FASLG: variants seen among roughly 807,000 people sequenced by gnomAD.
FASLG encodes Fas ligand.
FASLG carries 9 observed loss-of-function variants against 24.6 expected under a neutral mutation model. The observed-to-expected ratio is 0.37, with a 90% CI of 0.22 to 0.64. FASLG has a LOEUF of 0.64. Ranked by LOEUF, FASLG falls within the 30% of genes least tolerant of loss-of-function variation. The pLI is 0.64. For missense variants in FASLG, 306 were observed against 345.3 expected (o/e 0.89, Z 0.90); for synonymous variants, 130 against 135.5 (o/e 0.96, Z 0.28).
chr1:172,660,890 T>C (rs1043060361), intron 2 of FASLG, among the ~76,000 whole-genome samples: 1 of 152,254 alleles, frequency 6.6e-6, no homozygotes, highest in Non-Finnish European at 1.5e-5. Flanking sequence ...GCTTCACTAG[T>C]CTAAGATTCA....
chr1:172,666,119 A>C lies in FASLG; in HGVS notation c.*103A>C. The C allele has an allele frequency of 6.9e-7, 1 of 1,440,004 alleles. No homozygotes were observed. Among genetic ancestry groups the C allele is most frequent in the Non-Finnish European group, 9.6e-7 (1 of 1,042,078 alleles). 89.2% of individuals were successfully genotyped at this position (1,440,004 alleles called of 1,614,324 possible). ...TTACATGCATTTGAGGTCAAGTAAG[A>C]AGACATGAACCAAGTGGACCTTGAG... On this transcript the variant is annotated 3_prime_UTR_variant, in exon 4 of 4. Transcript: ENST00000367721.
chr1:172,660,475 G>T (rs1659114557), intron 2 of FASLG, among the ~76,000 whole-genome samples: 1 of 152,160 alleles, frequency 6.6e-6, no homozygotes, highest in Non-Finnish European at 1.5e-5. Context: ...TCCTGGTCCT[G>T]GCACACACGC....
intron 2 of FASLG, among the ~76,000 whole-genome samples, chr1:172,662,845 G>C (rs1431175468): frequency 6.6e-6 from 1 of 152,208 alleles, no homozygotes; most frequent in Non-Finnish European, 1.5e-5. Context: ...GTGGTTCTCT[G>C]TTCCGTTTCC....
Position 172,659,121 on chromosome 1 carries a change from C to A in FASLG, c.-81C>A. The A allele has an allele frequency of 6.3e-7, 1 of 1,598,310 alleles. No individual in the cohort carries two copies. Among genetic ancestry groups the A allele is most frequent in the Non-Finnish European group, 8.5e-7 (1 of 1,172,518 alleles). On this transcript the variant is annotated 5_prime_UTR_variant, in exon 1 of 4. Coordinates refer to ENST00000367721, the MANE Select transcript of FASLG (RefSeq NM_000639.3). ...CCTCTTGAGCAGTCAGCAACAGGGTCCCGTCCTTGACACCTCAGCCTCTAC... is the reference window on the plus strand; with the variant it reads ...CCTCTTGAGCAGTCAGCAACAGGGTACCGTCCTTGACACCTCAGCCTCTAC...
intron 3 of FASLG, 143 bp downstream of exon 3, chr1:172,664,533 T>G (rs931874535): frequency 6.1e-6 from 5 of 815,636 alleles, no homozygotes; most frequent in Non-Finnish European, 1.0e-5. Flanking sequence ...ACACTTTTCT[T>G]GTCGAGTCAG....
At chr1:172,663,227 A>C (rs886880808) in intron 2 of FASLG, among the ~76,000 whole-genome samples, 33 of 152,160 alleles carry the variant, frequency 2.2e-4, no homozygotes, top group African/African-American at 7.7e-4. Context: ...TAATTTGTCC[A>C]ACATTTGCTA....
At chr1:172,660,221 C>A in intron 2 of FASLG, 81 bp downstream of exon 2, 2 of 1,384,826 alleles carry the variant, frequency 1.4e-6, no homozygotes, top group East Asian at 2.3e-5. Flanking sequence ...GCCTTAAATT[C>A]TGTCCCACAC....
Position 172,659,345 on chromosome 1 carries a change from A to AC in FASLG, c.146dup (p.Pro50AlafsTer90). 1 of 1,608,614 alleles carries AC rather than the reference A, an allele frequency of 6.2e-7. No individual in the cohort carries two copies. Among genetic ancestry groups the AC allele is most frequent in the Non-Finnish European group, 8.5e-7 (1 of 1,177,766 alleles). On this transcript the variant is annotated frameshift_variant, in exon 1 of 4. Coordinates refer to ENST00000367721, the MANE Select transcript of FASLG (RefSeq NM_000639.3). LOFTEE classifies it high-confidence loss of function. Reference sequence around the variant, plus strand: ...CTGGTCAAAGGAGGCCACCACCACCACCGCCACCGCCACCACTACCACCTC... The same window carrying AC: ...CTGGTCAAAGGAGGCCACCACCACCACCCGCCACCGCCACCACTACCACCTC...
chr1:172,660,012 G>A, intron 1 of FASLG, 83 bp from the exon 2 acceptor site: 1 of 1,410,544 alleles, frequency 7.1e-7, no homozygotes, highest in Non-Finnish European at 9.9e-7. Context: ...TCTTTCCAGG[G>A]CTTGGTTTAT....
At chr1:172,660,217 A>T in intron 2 of FASLG, 77 bp downstream of exon 2, 1 of 1,425,646 alleles carries the variant, frequency 7.0e-7, no homozygotes, top group Non-Finnish European at 9.9e-7. Context: ...GAATGCCTTA[A>T]ATTCTGTCCC....
chr1:172,666,286 T>A lies in FASLG; in HGVS notation c.*270T>A. On this transcript the variant is annotated 3_prime_UTR_variant, in exon 4 of 4. Coordinates refer to ENST00000367721, the MANE Select transcript of FASLG (RefSeq NM_000639.3). ...AGCATGAAAAAGCAGCTACCAGGTG[T>A]TCTACACTCATCTTAGTGCCTGAGA... 8 of 469,452 alleles carry A rather than the reference T, an allele frequency of 1.7e-5. No homozygotes were observed. Among genetic ancestry groups the A allele is most frequent in the South Asian group, 5.1e-5 (2 of 39,248 alleles). The allele number at this position is 469,452 out of a possible 1,614,324, so 29.1% of individuals were successfully genotyped here. A position where few individuals can be genotyped will look rare whatever the true frequency, so the allele number is the denominator to read the frequency against.
At chr1:172,664,252 A>G in intron 2 of FASLG, 82 bp from the exon 3 acceptor site, 1 of 1,451,552 alleles carries the variant, frequency 6.9e-7, no homozygotes, top group Non-Finnish European at 9.5e-7. Context: ...TCTTTTTTTT[A>G]AAATGATTGG....
Position 172,659,175 on chromosome 1 carries a change from T to C in FASLG, c.-27T>C. On this transcript the variant is annotated 5_prime_UTR_variant, in exon 1 of 4. Coordinates refer to ENST00000367721, the MANE Select transcript of FASLG (RefSeq NM_000639.3). ...ACTGAGAAGAAGTAAAACCGTTTGC[T>C]GGGGCTGGCCTGACTCACCAGCTGC... is the stretch of plus-strand genomic sequence containing the variant. 1 of 1,614,102 alleles carries C rather than the reference T, an allele frequency of 6.2e-7. No homozygotes were observed. The highest frequency in any genetic ancestry group is 8.5e-7 in the Non-Finnish European group (1 of 1,180,000).
chr1:172,661,056 T>C (rs750178009), intron 2 of FASLG, among the ~76,000 whole-genome samples: 10 of 152,284 alleles, frequency 6.6e-5, no homozygotes, highest in South Asian at 4.1e-4. Context: ...TGGTATGCCA[T>C]TGGGGCTAGA....
intron 2 of FASLG, among the ~76,000 whole-genome samples, chr1:172,663,453 G>A (rs921552329): frequency 6.6e-6 from 1 of 152,170 alleles, no homozygotes; most frequent in South Asian, 2.1e-4. Context: ...GTTTCCCAAA[G>A]AAAGCGGTAA....
chr1:172,660,250 T>G (rs767725577), intron 2 of FASLG, 110 bp downstream of exon 2: 7 of 1,059,438 alleles, frequency 6.6e-6, no homozygotes, highest in Non-Finnish European at 8.8e-6. Flanking sequence ...CTGTACACTA[T>G]AAGAGGAATT....
Position 172,665,939 on chromosome 1 carries a change from T to C in FASLG, c.769T>C (p.Leu257=). ...AVFNLTSADH[L]YVNVSELSLV... Reference sequence around the variant, plus strand: ...GTTCAATCTTACCAGTGCTGATCATTTATATGTCAACGTATCTGAGCTCTC... The same window carrying C: ...GTTCAATCTTACCAGTGCTGATCATCTATATGTCAACGTATCTGAGCTCTC... Residue 257 remains leucine, a synonymous_variant, in exon 4 of 4, where the codon TTA becomes CTA. Transcript: ENST00000367721. 1.2e-6 allele frequency: 2 copies of C among 1,613,458 alleles called. No individual in the cohort carries two copies. The highest frequency in any genetic ancestry group is 1.7e-6 in the Non-Finnish European group (2 of 1,179,600).
chr1:172,661,141 A>G (rs995535370), intron 2 of FASLG, among the ~76,000 whole-genome samples: 13 of 152,178 alleles, frequency 8.5e-5, no homozygotes, highest in African/African-American at 2.9e-4. Context: ...GAAGGAGGGA[A>G]ACTCCTGTCT....
At chr1:172,660,013 C>A in intron 1 of FASLG, 82 bp from the exon 2 acceptor site, 4 of 1,415,104 alleles carry the variant, frequency 2.8e-6, no homozygotes, top group Non-Finnish European at 3.9e-6. Context: ...CTTTCCAGGG[C>A]TTGGTTTATT....
Sources: gnomAD v4.1 joint callset for allele counts (sites outside exome capture counted in the v4.1 genomes callset) on GRCh38, gnomAD v4.1.1 for gene constraint, MANE v1.5 for transcripts, NCBI Gene and HGNC (gene_info 2026-07-23, HGNC 2026-07-21) for gene names.